ST18: variants seen among roughly 807,000 people sequenced by gnomAD.
ST18 encodes ST18 C2H2C-type zinc finger transcription factor.
In ST18, 50 loss-of-function variants were observed where a neutral mutation model predicts 110.0. The ratio of observed to expected loss-of-function variants is 0.45; its 90% confidence interval spans 0.36 to 0.58. The LOEUF (loss-of-function observed/expected upper bound fraction) is 0.58. Among genes scored for constraint, ST18 ranks in the 20% least tolerant of loss-of-function variants. The pLI is 0.00. For missense variants in ST18, 1,306 were observed against 1,280.1 expected, an observed-to-expected ratio of 1.02 and a Z score of -0.31; for synonymous variants, 461 against 452.4, an observed-to-expected ratio of 1.02 and a Z score of -0.24.
intron 2 of ST18, among the ~76,000 whole-genome samples, chr8:52,311,586 T>C (rs1279928680): frequency 6.6e-6 from 1 of 152,194 alleles, no homozygotes. Context: ...ATTAATTGAC[T>C]CACAGTTCTG....
chr8:52,209,788 A>AAAAAT (rs1554719674), intron 8 of ST18, among the ~76,000 whole-genome samples: 6 of 105,686 alleles, frequency 5.7e-5, no homozygotes, highest in African/African-American at 9.0e-5. Flanking sequence ...AAAAAAAAAA[A>AAAAAT]ATATATATAT....
chr8:52,234,603 G>A (rs1413974332), intron 2 of ST18, among the ~76,000 whole-genome samples: 13 of 152,068 alleles, frequency 8.5e-5, no homozygotes, highest in Non-Finnish European at 1.5e-4. Flanking sequence ...CTACCCAGAG[G>A]AAAAGAAGTC....
chr8:52,302,472 A>G (rs1050024761), intron 2 of ST18, among the ~76,000 whole-genome samples: 61 of 152,296 alleles, frequency 4.0e-4, no homozygotes, highest in Admixed American at 2.7e-3. Context: ...ACTCTGTTCA[A>G]TGAGAGAGTC....
chr8:52,209,883 G>A (rs1564081250), intron 8 of ST18: 2 of 329,706 alleles, frequency 6.1e-6, no homozygotes, highest in Non-Finnish European at 1.2e-5. Flanking sequence ...ATAGAGCACA[G>A]TAAACATTTC....
At chr8:52,329,872 T>C (rs998759245) in intron 2 of ST18, among the ~76,000 whole-genome samples, 3 of 152,218 alleles carry the variant, frequency 2.0e-5, no homozygotes, top group Admixed American at 6.5e-5. Flanking sequence ...AAAATATCAC[T>C]ACCTCCCCTT....
At chr8:52,163,573 G>A (rs60327551) in intron 13 of ST18, among the ~76,000 whole-genome samples, 5,577 of 152,186 alleles carry the variant, frequency 0.037, 365 homozygotes, top group African/African-American at 0.12. Flanking sequence ...ACTGAAGGAT[G>A]AATATATAAC....
In ST18 at chr8:52,221,317, G is replaced by C. The variant is rs556019425; in HGVS notation, c.-265+323C>G. Among the ~76,000 whole-genome samples, 16 of 152,200 alleles carry C rather than the reference G, an allele frequency of 1.1e-4. No homozygotes were observed. In the South Asian group the frequency reaches 3.3e-3, roughly 32 times the overall value. On this transcript the variant is annotated intron_variant, in intron 4 of 25. Transcript: ENST00000689386. ...CAAAATGTATTCTTTTGTTACTTAG[G>C]GTTCTTTTTAACGAGACCATCATAA...
intron 8 of ST18, among the ~76,000 whole-genome samples, chr8:52,185,719 A>G (rs1033828787): frequency 4.6e-5 from 7 of 152,208 alleles, no homozygotes; most frequent in Non-Finnish European, 1.0e-4. Flanking sequence ...TTGGATATCT[A>G]TCTGAAAAAG....
At chr8:52,253,256 TAAAAC>T (rs908041393) in intron 2 of ST18, among the ~76,000 whole-genome samples, 1 of 152,090 alleles carries the variant, frequency 6.6e-6, no homozygotes, top group African/African-American at 2.4e-5. Context: ...AAAGCTTTAT[TAAAAC>T]AAAAGGAATA....
At chr8:52,130,119 A>AAGAAAGAAAG (rs1554585622) in intron 22 of ST18, among the ~76,000 whole-genome samples, 2 of 105,164 alleles carry the variant, frequency 1.9e-5, no homozygotes, top group African/African-American at 8.2e-5. Flanking sequence ...AGAAAGAAAG[A>AAGAAAGAAAG]AAAGAAAGAA....
intron 2 of ST18, among the ~76,000 whole-genome samples, chr8:52,305,206 A>G (rs2095794398): frequency 6.6e-6 from 1 of 152,340 alleles, no homozygotes; most frequent in Non-Finnish European, 1.5e-5. Flanking sequence ...AAAATGGTTT[A>G]TACCACAGTA....
intron 2 of ST18, among the ~76,000 whole-genome samples, chr8:52,389,468 G>C (rs1446941615): frequency 1.3e-5 from 2 of 152,192 alleles, no homozygotes; most frequent in Non-Finnish European, 2.9e-5. Context: ...GTCTTTGGTG[G>C]GGTCAAGGCA....
chr8:52,294,654 A>T (rs1023913103), intron 2 of ST18: 1 of 152,262 alleles, frequency 6.6e-6, no homozygotes, highest in Admixed American at 6.5e-5. Flanking sequence ...GCTCATACAA[A>T]AGCCAATAAG....
intron 11 of ST18, among the ~76,000 whole-genome samples, chr8:52,165,842 T>C (rs572850278): frequency 2.6e-5 from 4 of 152,268 alleles, no homozygotes; most frequent in African/African-American, 7.2e-5. Flanking sequence ...ATTTTTGCAA[T>C]TTGTTTTGGC....
chr8:52,159,264 T>A (rs1191962576), intron 14 of ST18, among the ~76,000 whole-genome samples, 155 bp from the exon 15 acceptor site: 1 of 152,206 alleles, frequency 6.6e-6, no homozygotes, highest in African/African-American at 2.4e-5. Context: ...ATGAAGGTTA[T>A]CCAGACCGGT....
intron 2 of ST18, among the ~76,000 whole-genome samples, chr8:52,340,551 C>T (rs1340597526): frequency 1.3e-5 from 2 of 152,190 alleles, no homozygotes; most frequent in African/African-American, 2.4e-5. Context: ...GTGTCAGTGG[C>T]CTGTGATATC....
chr8:52,338,953 C>T (rs1813546542), intron 2 of ST18, among the ~76,000 whole-genome samples: 2 of 151,004 alleles, frequency 1.3e-5, no homozygotes, highest in Admixed American at 6.6e-5. Flanking sequence ...GTATGTTGCC[C>T]AGACTAATCT....
At chr8:52,318,919 C>T (rs1303111046) in intron 2 of ST18, among the ~76,000 whole-genome samples, 7 of 135,274 alleles carry the variant, frequency 5.2e-5, no homozygotes, top group Admixed American at 1.6e-4. Context: ...ACACTGGGGC[C>T]TGTTGGAGGT....
chr8:52,128,321 T>C (rs1383738816), intron 22 of ST18, among the ~76,000 whole-genome samples: 1 of 152,212 alleles, frequency 6.6e-6, no homozygotes, highest in African/African-American at 2.4e-5. Context: ...TGGCAGGTGA[T>C]ACAATGTATC....
Sources: allele counts gnomAD v4.1 joint callset (sites outside exome capture counted in the v4.1 genomes callset), GRCh38; gene constraint gnomAD v4.1.1; transcripts MANE v1.5; gene names NCBI Gene and HGNC (gene_info 2026-07-23, HGNC 2026-07-21).